Variants in SPRY4 observed in about 807,000 individuals in gnomAD.
The protein encoded by SPRY4 is sprouty RTK signaling antagonist 4, also known as protein sprouty homolog 4.
SPRY4 carries 7 observed loss-of-function variants against 17.0 expected under a neutral mutation model. The observed-to-expected ratio is 0.41, with a 90% CI of 0.23 to 0.77. The LOEUF is 0.77. Among genes scored for constraint, SPRY4 ranks in the 30% least tolerant of loss-of-function variants. SPRY4 has a pLI of 0.32. For synonymous variants in SPRY4, 183 were observed against 174.1 expected, an observed-to-expected ratio of 1.05 and a Z score of -0.40; for missense variants, 435 against 419.9, an observed-to-expected ratio of 1.04 and a Z score of -0.31.
intron 1 of SPRY4, among the ~76,000 whole-genome samples, chr5:142,321,344 C>T (rs1759339076): frequency 6.6e-6 from 1 of 152,192 alleles, no homozygotes; most frequent in African/African-American, 2.4e-5. Flanking sequence ...GAAGCTAAGG[C>T]CATGCTTAGC....
At position 142,312,849 on chromosome 5, in the gene SPRY4, G is replaced by C. The variant is rs752605283; in HGVS notation, c.*1360C>G. On this transcript the variant is annotated 3_prime_UTR_variant, in exon 2 of 2. Transcript: ENST00000434127. ...TGTCGGGAGAGGGTGGTGTGGCTGTGCACAGAAGCAGGGCTCAAACCCAGT... is the reference window on the plus strand; with the variant it reads ...TGTCGGGAGAGGGTGGTGTGGCTGTCCACAGAAGCAGGGCTCAAACCCAGT... 4 of 152,616 alleles carry C rather than the reference G, an allele frequency of 2.6e-5. No individual in the cohort carries two copies. Among genetic ancestry groups the C allele is most frequent in the Non-Finnish European group, 5.9e-5 (4 of 68,074 alleles). The allele number at this position is 152,616 out of a possible 1,614,324, so 9.5% of individuals were successfully genotyped here.
chr5:142,318,167 CAAAAAAAAAAA>C, intron 1 of SPRY4: 1 of 741,584 alleles, frequency 1.3e-6, no homozygotes, highest in Non-Finnish European at 1.6e-6. Context: ...AATGATGTCT[CAAAAAAAAAAA>C]GAAAGAAAAA....
In SPRY4 at chr5:142,314,127, C is replaced by T. The variant is rs1174556685; in HGVS notation, c.*82G>A. 6.9e-7 allele frequency: 1 copy of T among 1,454,436 alleles called. No homozygotes were observed. The highest frequency in any genetic ancestry group is 9.2e-7 in the Non-Finnish European group (1 of 1,088,748). 90.1% of individuals were successfully genotyped at this position (1,454,436 alleles called of 1,614,324 possible). On this transcript the variant is annotated 3_prime_UTR_variant, in exon 2 of 2. Transcript: ENST00000434127. The surrounding 1 kb of genome is among the most constrained non-coding windows in gnomAD (Gnocchi z 4.8). ...CAAGGTCAGCCTCAGGAGGCTAAAACCTCTGACCTTGCTGCAGTCTTCTTA... is the reference window on the plus strand; with the variant it reads ...CAAGGTCAGCCTCAGGAGGCTAAAATCTCTGACCTTGCTGCAGTCTTCTTA...
At chr5:142,318,504 G>T (rs937836196) in intron 1 of SPRY4, among the ~76,000 whole-genome samples, 1 of 151,154 alleles carries the variant, frequency 6.6e-6, no homozygotes, top group Admixed American at 6.6e-5. Flanking sequence ...AAAAAAGAAA[G>T]AAAGAAAAAG....
At chr5:142,317,037 C>T (rs995023743) in intron 1 of SPRY4, 21 of 985,460 alleles carry the variant, frequency 2.1e-5, no homozygotes, top group East Asian at 1.1e-4. Context: ...TTTGAATTGG[C>T]GATTTCCTTG....
At chr5:142,322,809 G>A (rs995902226) in intron 1 of SPRY4, among the ~76,000 whole-genome samples, 4 of 152,150 alleles carry the variant, frequency 2.6e-5, no homozygotes, top group Non-Finnish European at 5.9e-5. Flanking sequence ...CCCTACACCC[G>A]TACTGGCCAC....
chr5:142,319,846 C>G (rs761784825), intron 1 of SPRY4: 97 of 1,544,820 alleles, frequency 6.3e-5, no homozygotes, highest in Non-Finnish European at 8.3e-5. Flanking sequence ...AGCAGGATGC[C>G]TAATCCCACC....
chr5:142,324,163 G>A (rs1274583556), intron 1 of SPRY4: 3 of 152,346 alleles, frequency 2.0e-5, no homozygotes, highest in Admixed American at 2.0e-4. Flanking sequence ...TCAACTGCAA[G>A]GCAGTTGCAT....
chr5:142,317,321 A>G (rs1759186790), intron 1 of SPRY4: 7 of 985,468 alleles, frequency 7.1e-6, no homozygotes, highest in Non-Finnish European at 8.4e-6. Context: ...TAGGAGCCCA[A>G]GGTCCAGCAC....
chr5:142,317,194 G>A, intron 1 of SPRY4: 1 of 985,444 alleles, frequency 1.0e-6, no homozygotes, highest in Non-Finnish European at 1.2e-6. Context: ...CCAAGGATCA[G>A]GCTGATGACA....
intron 1 of SPRY4, among the ~76,000 whole-genome samples, chr5:142,319,974 G>C (rs763224850): frequency 9.3e-4 from 141 of 152,132 alleles, no homozygotes; most frequent in Non-Finnish European, 1.5e-3. Context: ...AAGAGGCTGT[G>C]AATGAATGGG....
intron 1 of SPRY4, chr5:142,317,297 C>A: frequency 1.0e-6 from 1 of 985,414 alleles, no homozygotes; most frequent in Non-Finnish European, 1.2e-6. Flanking sequence ...GAGTTTGGGG[C>A]AAGAGGCCAG....
In SPRY4 at chr5:142,310,438, C is replaced by T. The variant is rs1038968186; in HGVS notation, c.*3771G>A. 16 of 152,370 alleles carry T rather than the reference C, an allele frequency of 1.1e-4. No individual in the cohort carries two copies. The highest frequency in any genetic ancestry group is 2.1e-4 in the Non-Finnish European group (14 of 68,008). The allele number at this position is 152,370 out of a possible 1,614,324, so 9.4% of individuals were successfully genotyped here. On this transcript the variant is annotated 3_prime_UTR_variant, in exon 2 of 2. Transcript: ENST00000434127. ...ACAAACACACCAGAAACGGCAGTCC[C>T]GTGTATATTTAACAATATATATTTA...
chr5:142,321,912 C>T (rs1415281056), intron 1 of SPRY4, among the ~76,000 whole-genome samples: 1 of 152,216 alleles, frequency 6.6e-6, no homozygotes, highest in Non-Finnish European at 1.5e-5. Context: ...AAACTGGAAT[C>T]CCCACATATG....
rs568993184 is a variant in SPRY4, at chr5:142,311,030, T to C, written c.*3179A>G. 1 of 152,284 alleles carries C rather than the reference T, an allele frequency of 6.6e-6. No homozygotes were observed. The highest frequency in any genetic ancestry group is 2.1e-4 in the South Asian group (1 of 4,812). 9.4% of individuals were successfully genotyped at this position (152,284 alleles called of 1,614,324 possible). On this transcript the variant is annotated 3_prime_UTR_variant, in exon 2 of 2. Transcript: ENST00000434127. The stretch of plus-strand genomic sequence containing the variant: ...CACGTGTGCCATCTTGGACAAGTCA[T>C]TATCTAGCTGGGCCTCACTCGAGGT...
At chr5:142,319,024 G>A (rs1407969542) in intron 1 of SPRY4, among the ~76,000 whole-genome samples, 2 of 152,150 alleles carry the variant, frequency 1.3e-5, no homozygotes, top group East Asian at 3.8e-4. Context: ...AGCACAAAGG[G>A]TCATAGAGCT....
chr5:142,322,983 A>C (rs1759398592), intron 1 of SPRY4, among the ~76,000 whole-genome samples: 1 of 151,532 alleles, frequency 6.6e-6, no homozygotes, highest in African/African-American at 2.4e-5. Context: ...AGAGGGAGAG[A>C]GAAAGAGAAA....
In SPRY4 at chr5:142,314,938, G is replaced by A. The variant is rs1759093130; in HGVS notation, c.171C>T (p.Ser57=). ...GCTTTGGGCCGGTGGTCAGGGCCAG[G>A]CTAGGGTTGTCTATGTAGTCATTCT... ...HVENDYIDNP[S]LALTTGPKRT... is the part of the protein sequence containing the mutation. The change falls in exon 2 of 2, where the codon AGC becomes AGT. Residue 57 remains serine, a synonymous_variant. Coordinates refer to ENST00000434127, the MANE Select transcript of SPRY4 (RefSeq NM_001127496.3). This position sits in a 1 kb window ranked among gnomAD's most constrained non-coding sequence, Gnocchi z 4.8. The A allele has an allele frequency of 1.2e-6, 2 of 1,614,042 alleles. No homozygotes were observed. The highest frequency in any genetic ancestry group is 1.7e-6 in the Non-Finnish European group (2 of 1,179,976).
chr5:142,315,430 G>GT lies in SPRY4; in HGVS notation c.-47-276dup. On this transcript the variant is annotated intron_variant, in intron 1 of 1. Transcript: ENST00000434127. ...ATTGACTTCATGATAAGCCTAAAAC[G>GT]TAACTACTATTATCCCCCTTTTCTA... The GT allele has an allele frequency of 1.0e-5, 4 of 390,558 alleles. No individual in the cohort carries two copies. In the Middle Eastern group the frequency reaches 2.6e-3, roughly 255 times the overall value. The allele number at this position is 390,558 out of a possible 1,614,324, so 24.2% of individuals were successfully genotyped here.
Sources: allele counts gnomAD v4.1 joint callset (sites outside exome capture counted in the v4.1 genomes callset), GRCh38; gene constraint gnomAD v4.1.1; non-coding constraint Gnocchi (gnomAD v3.1); transcripts MANE v1.5; gene names NCBI Gene and HGNC (gene_info 2026-07-23, HGNC 2026-07-21).